CTXN3: variants seen among roughly 807,000 people sequenced by gnomAD.
CTXN3 encodes cortexin-3.
Under a neutral mutation model 5.0 loss-of-function variants are expected in CTXN3, and 4 were observed. That is an observed-to-expected ratio of 0.79 (90% CI 0.39 to 1.82). CTXN3 has a LOEUF of 1.82. Ranked by LOEUF, CTXN3 falls within the 40% of genes most tolerant of loss-of-function variation. The pLI, the probability that CTXN3 is intolerant of heterozygous loss-of-function variation, is 0.04. For synonymous variants in CTXN3, 48 were observed against 38.6 expected (o/e 1.24, Z -0.91); for missense variants, 89 against 99.7 (o/e 0.89, Z 0.46).
rs1421694816 is a variant in CTXN3, at chr5:127,657,697, T to G, written c.176T>G (p.Met59Arg). The change falls in exon 3 of 3, where the codon ATG becomes AGG. Residue 59 changes from methionine to arginine, a missense_variant. Transcript: ENST00000379445. ...ATTCTTTTGGATCCATATCGAAGCA[T>G]GCCAACCTCTACCTGGGCTGATGGA... ...FRILLDPYRS[M>R]PTSTWADGLE... 5.0e-6 allele frequency: 8 copies of G among 1,614,222 alleles called. No individual in the cohort carries two copies. Among genetic ancestry groups the G allele is most frequent in the Non-Finnish European group, 5.9e-6 (7 of 1,180,030 alleles).
intron 1 of CTXN3, among the ~76,000 whole-genome samples, chr5:127,652,603 AC>A (rs372321896): frequency 1.4e-4 from 22 of 151,970 alleles, no homozygotes; most frequent in African/African-American, 5.3e-4. Context: ...TTTGGTGTGA[AC>A]CCTAAGGGAG....
At chr5:127,650,005 T>C (rs945385793) in intron 1 of CTXN3, among the ~76,000 whole-genome samples, 11 of 152,144 alleles carry the variant, frequency 7.2e-5, no homozygotes, top group African/African-American at 9.7e-5. Context: ...CTAGGCACCC[T>C]CATGGTGTTT....
chr5:127,649,475 A>G (rs1749739682), intron 1 of CTXN3, 87 bp downstream of exon 1: 2 of 152,228 alleles, frequency 1.3e-5, no homozygotes. Flanking sequence ...CATCGCATAC[A>G]TGCCTTTCGG....
Position 127,657,754 on chromosome 5 carries a change from A to G in CTXN3, c.233A>G (p.His78Arg), listed in dbSNP as rs1254905462. 1.2e-6 allele frequency: 2 copies of G among 1,614,026 alleles called. No individual in the cohort carries two copies. Among genetic ancestry groups the G allele is most frequent in the African/African-American group, 2.7e-5 (2 of 74,926 alleles). Residue 78 changes from histidine to arginine, a missense_variant, in exon 3 of 3, where the codon CAT becomes CGT. Transcript: ENST00000379445. ...LEGLEKGQFDHALA is the reference protein window; with the variant it reads ...LEGLEKGQFDRALA ...GGCCTGGAGAAAGGGCAGTTCGACC[A>G]TGCCCTTGCTTAGGAGGGATGGTGT...
chr5:127,655,250 C>T (rs10058969), intron 2 of CTXN3, among the ~76,000 whole-genome samples: 25,102 of 151,948 alleles, frequency 0.17, 2,208 homozygotes, highest in Middle Eastern at 0.2. Flanking sequence ...GCAACAAGAG[C>T]GAAACTCCGT....
chr5:127,657,960 A>C lies in CTXN3; in HGVS notation c.*193A>C. On this transcript the variant is annotated 3_prime_UTR_variant, in exon 3 of 3. Transcript: ENST00000379445. ...TTGGAAATGGACACTTATATAACTA[A>C]TCCAACATAAGAAGGTTTAAATTTT... The C allele has an allele frequency of 1.6e-6, 1 of 632,492 alleles. No individual in the cohort carries two copies. The allele number at this position is 632,492 out of a possible 1,614,324, so 39.2% of individuals were successfully genotyped here.
chr5:127,654,896 C>A (rs963150534), intron 2 of CTXN3, among the ~76,000 whole-genome samples: 1 of 152,116 alleles, frequency 6.6e-6, no homozygotes, highest in South Asian at 2.1e-4. Flanking sequence ...GAAATCCTTA[C>A]ATCAGTTATA....
At chr5:127,650,842 G>A (rs1448217380) in intron 1 of CTXN3, among the ~76,000 whole-genome samples, 2 of 152,184 alleles carry the variant, frequency 1.3e-5, no homozygotes, top group Non-Finnish European at 2.9e-5. Context: ...GGGTGGGTGA[G>A]TGGGTTGGAG....
chr5:127,658,079 C>T lies in CTXN3; in HGVS notation c.*312C>T, dbSNP rs964713349. 1.2e-5 allele frequency: 4 copies of T among 324,418 alleles called. No individual in the cohort carries two copies. Among genetic ancestry groups the T allele is most frequent in the South Asian group, 7.3e-5 (2 of 27,296 alleles). 20.1% of individuals were successfully genotyped at this position (324,418 alleles called of 1,614,324 possible). ...ATAGATTTGCCATCAAACAAAACAC[C>T]ACCTGATCTGACTAAAGAATAAAAG... is the stretch of plus-strand genomic sequence containing the variant. On this transcript the variant is annotated 3_prime_UTR_variant, in exon 3 of 3. Coordinates refer to ENST00000379445, the MANE Select transcript of CTXN3 (RefSeq NM_001048252.3).
intron 2 of CTXN3, among the ~76,000 whole-genome samples, chr5:127,654,018 T>A (rs7720537): frequency 0.11 from 17,071 of 152,224 alleles, 2,766 homozygotes; most frequent in African/African-American, 0.36. Flanking sequence ...CATTCCCAGC[T>A]AGGTCTTCCT....
intron 1 of CTXN3, among the ~76,000 whole-genome samples, chr5:127,652,843 G>T (rs969604577): frequency 7.2e-5 from 11 of 152,180 alleles, no homozygotes; most frequent in African/African-American, 2.7e-4. Context: ...CAACACATTG[G>T]CCATTTTACT....
intron 1 of CTXN3, among the ~76,000 whole-genome samples, chr5:127,650,390 A>G (rs1749760230): frequency 6.6e-6 from 1 of 152,158 alleles, no homozygotes; most frequent in Non-Finnish European, 1.5e-5. Flanking sequence ...ATGTTTTGAG[A>G]GTATAAAATA....
In CTXN3 at chr5:127,657,458, C is replaced by T. The variant is rs118045245; in HGVS notation, c.-64C>T. 1.6e-3 allele frequency: 2,472 copies of T among 1,589,344 alleles called. 12 individuals carry two copies. Among genetic ancestry groups the T allele is most frequent in the Middle Eastern group, 0.011 (63 of 5,722 alleles). The stretch of plus-strand genomic sequence containing the variant: ...CTCTCCAGAGTGCAGCCACCATGAC[C>T]TCCGCAGATTGATGATGGAAGAAAA... On this transcript the variant is annotated 5_prime_UTR_variant, in exon 3 of 3. Transcript: ENST00000379445.
rs1749955234 is a variant in CTXN3 at position 127,657,993 on chromosome 5, G to C, written c.*226G>C. The C allele has an allele frequency of 9.3e-6, 5 of 534,890 alleles. No individual in the cohort carries two copies. In the East Asian group the frequency reaches 1.4e-4, roughly 15 times the overall value. 33.1% of individuals were successfully genotyped at this position (534,890 alleles called of 1,614,324 possible). On this transcript the variant is annotated 3_prime_UTR_variant, in exon 3 of 3. Coordinates refer to ENST00000379445, the MANE Select transcript of CTXN3 (RefSeq NM_001048252.3). Reference sequence around the variant, plus strand: ...TAAGAAGGTTTAAATTTTTATGTTTGCTCAATGAATGAGTACTCTTAAAAT... The same window carrying C: ...TAAGAAGGTTTAAATTTTTATGTTTCCTCAATGAATGAGTACTCTTAAAAT...
intron 1 of CTXN3, chr5:127,652,426 T>G (rs576908465): frequency 6.6e-6 from 1 of 152,158 alleles, no homozygotes; most frequent in African/African-American, 2.4e-5. Context: ...GAACAGCAAA[T>G]AATTCCTCAA....
intron 1 of CTXN3, chr5:127,651,847 ATGTCATTGCT>A (rs2126740456): frequency 6.6e-6 from 1 of 152,124 alleles, no homozygotes; most frequent in African/African-American, 2.4e-5. Context: ...GAAAAGAAAC[ATGTCATTGCT>A]TTAAGATACA....
intron 1 of CTXN3, among the ~76,000 whole-genome samples, chr5:127,651,467 G>T (rs1749785448): frequency 6.6e-6 from 1 of 152,142 alleles, no homozygotes; most frequent in South Asian, 2.1e-4. Context: ...ACCATCATTT[G>T]GCGTTGGGGT....
intron 1 of CTXN3, 25 bp from the exon 2 acceptor site, chr5:127,653,292 A>G (rs1490622911): frequency 6.6e-6 from 1 of 152,206 alleles, no homozygotes; most frequent in African/African-American, 2.4e-5. Flanking sequence ...GTATCTTTTA[A>G]TTAAGGTTTT....
chr5:127,654,162 A>G (rs13168962), intron 2 of CTXN3, among the ~76,000 whole-genome samples: 36,999 of 152,092 alleles, frequency 0.24, 5,103 homozygotes, highest in Non-Finnish European at 0.31. Context: ...TGATACTTTG[A>G]CCAAAAGCAG....
Sources: gnomAD v4.1 joint callset for allele counts (sites outside exome capture counted in the v4.1 genomes callset) on GRCh38, gnomAD v4.1.1 for gene constraint, MANE v1.5 for transcripts, NCBI Gene and HGNC (gene_info 2026-07-23, HGNC 2026-07-21) for gene names.